CEP41: variants seen among roughly 807,000 people sequenced by gnomAD.
The protein encoded by CEP41 is centrosomal protein of 41 kDa.
CEP41 carries 32 observed loss-of-function variants against 44.3 expected under a neutral mutation model. That is an observed-to-expected ratio of 0.72 (90% CI 0.54 to 0.97). The LOEUF is 0.97. CEP41 is among the 50% of genes least tolerant of loss of function. The pLI, the probability that CEP41 is intolerant of heterozygous loss-of-function variation, is 0.00. For synonymous variants in CEP41, 151 were observed against 168.5 expected, an observed-to-expected ratio of 0.90 and a Z score of 0.80; for missense variants, 432 against 455.2, an observed-to-expected ratio of 0.95 and a Z score of 0.46.
chr7:130,409,222 A>G (rs1797101941), intron 5 of CEP41, among the ~76,000 whole-genome samples: 2 of 152,220 alleles, frequency 1.3e-5, no homozygotes, highest in Admixed American at 1.3e-4. Context: ...TGAGTGAGTT[A>G]TTATCTGTGT....
Position 130,412,202 on chromosome 7 carries a change from T to G in CEP41, c.184A>C (p.Lys62Gln), listed in dbSNP as rs1554419898. The G allele has an allele frequency of 6.4e-7, 1 of 1,555,234 alleles. No individual in the cohort carries two copies. ...ACCAGCTGGGCAAAAGTTGTAACTT[T>G]TAGTCTCTTGAAAAGCTCATCTTTT... ...YKKDELFKRL[K>Q]VTTFAQLIIQ... Residue 62 changes from lysine (K) to glutamine (Q), a missense_variant, in exon 4 of 11, where the codon AAA becomes CAA. Lys to Gln is a moderately conservative substitution (Grantham distance 53). Transcript: ENST00000223208.
At chr7:130,414,934 A>G (rs782288185) in intron 3 of CEP41, among the ~76,000 whole-genome samples, 9 of 152,200 alleles carry the variant, frequency 5.9e-5, no homozygotes, top group Non-Finnish European at 1.2e-4. Flanking sequence ...CTTCTCCAGT[A>G]AGTCTAGGTT....
intron 1 of CEP41, among the ~76,000 whole-genome samples, chr7:130,428,910 C>CAAAAAAAA (rs555010636): frequency 8.3e-4 from 122 of 146,532 alleles, no homozygotes; most frequent in African/African-American, 2.7e-3. Context: ...GACTCTGTCT[C>CAAAAAAAA]AAAAAAATAA....
chr7:130,423,154 C>T (rs1797560180), intron 2 of CEP41, among the ~76,000 whole-genome samples: 1 of 152,090 alleles, frequency 6.6e-6, no homozygotes, highest in African/African-American at 2.4e-5. Context: ...CACCGTATTG[C>T]CCAGGCTAGT....
chr7:130,424,753 A>T (rs1173812958), intron 2 of CEP41, among the ~76,000 whole-genome samples: 1 of 152,172 alleles, frequency 6.6e-6, no homozygotes, highest in African/African-American at 2.4e-5. Flanking sequence ...TAGAAAAAAA[A>T]TCATGGTAGA....
chr7:130,421,185 A>G, intron 2 of CEP41: 1 of 985,380 alleles, frequency 1.0e-6, no homozygotes, highest in Non-Finnish European at 1.2e-6. Context: ...CATTCATTAG[A>G]TTTTTTCCAT....
intron 4 of CEP41, among the ~76,000 whole-genome samples, chr7:130,411,727 C>G (rs1797186813): frequency 6.6e-6 from 1 of 152,120 alleles, no homozygotes; most frequent in Non-Finnish European, 1.5e-5. Context: ...GGAAAGACAC[C>G]TTCTCCATAA....
At chr7:130,440,782 G>GCCCCC in intron 1 of CEP41, 152 bp downstream of exon 1, 3 of 531,112 alleles carry the variant, frequency 5.6e-6, no homozygotes, top group East Asian at 4.0e-5. Flanking sequence ...CCCAAGCCCG[G>GCCCCC]CCCGCCCCGC....
chr7:130,440,783 C>T, intron 1 of CEP41, 151 bp downstream of exon 1: 1 of 402,696 alleles, frequency 2.5e-6, no homozygotes, highest in Admixed American at 2.9e-5. Context: ...CCAAGCCCGG[C>T]CCGCCCCGCC....
chr7:130,408,713 C>A (rs1031155226), intron 5 of CEP41, among the ~76,000 whole-genome samples: 1 of 151,996 alleles, frequency 6.6e-6, no homozygotes, highest in Non-Finnish European at 1.5e-5. Context: ...ACCCTTTGAC[C>A]CTCTGCAGCA....
At chr7:130,437,165 A>G (rs1010096029) in intron 1 of CEP41, among the ~76,000 whole-genome samples, 1 of 152,156 alleles carries the variant, frequency 6.6e-6, no homozygotes, top group South Asian at 2.1e-4. Context: ...ACAGGAGATG[A>G]AAGTTACGAA....
At position 130,394,121 on chromosome 7, in the gene CEP41, C is replaced by T. The variant is rs1032113771; in HGVS notation, c.*4770G>A. 10 of 454,066 alleles carry T rather than the reference C, an allele frequency of 2.2e-5. No homozygotes were observed. The highest frequency in any genetic ancestry group is 6.9e-4 in the Middle Eastern group (1 of 1,444). 28.1% of individuals were successfully genotyped at this position (454,066 alleles called of 1,614,324 possible). ...TAGCGAAGGGAAAGGTACATTTTCA[C>T]GGTAAGTTAGAGGCATCACCAAAGG... On this transcript the variant is annotated 3_prime_UTR_variant, in exon 11 of 11. Transcript: ENST00000223208.
At chr7:130,406,754 C>A (rs1797022275) in intron 5 of CEP41, among the ~76,000 whole-genome samples, 2 of 145,586 alleles carry the variant, frequency 1.4e-5, no homozygotes, top group African/African-American at 2.5e-5. Flanking sequence ...TCCTATACAC[C>A]AATTAAAAAA....
At chr7:130,428,290 G>C (rs1359485806) in intron 1 of CEP41, among the ~76,000 whole-genome samples, 7 of 151,920 alleles carry the variant, frequency 4.6e-5, no homozygotes, top group Non-Finnish European at 1.0e-4. Flanking sequence ...CAGGCATGGT[G>C]ATGGGCGCCT....
Position 130,396,692 on chromosome 7 carries a change from A to C in CEP41, c.*2199T>G. The C allele has an allele frequency of 2.2e-6, 1 of 454,596 alleles. No homozygotes were observed. Among genetic ancestry groups the C allele is most frequent in the South Asian group, 1.6e-5 (1 of 64,476 alleles). The allele number at this position is 454,596 out of a possible 1,614,324, so 28.2% of individuals were successfully genotyped here. On this transcript the variant is annotated 3_prime_UTR_variant, in exon 11 of 11. Transcript: ENST00000223208. Reference sequence around the variant, plus strand: ...TAAAGAATGTTTGATATTAACACTTAACATGCAAAACGCAGATTAGAACAG... The same window carrying C: ...TAAAGAATGTTTGATATTAACACTTCACATGCAAAACGCAGATTAGAACAG...
rs577355827 is a variant in CEP41, at chr7:130,395,316, T to A, written c.*3575A>T. ...CATGTAAGTACTCAACATGCTCACATAATTAAACTGGTGAATTATATTCCA... is the reference window on the plus strand; with the variant it reads ...CATGTAAGTACTCAACATGCTCACAAAATTAAACTGGTGAATTATATTCCA... On this transcript the variant is annotated 3_prime_UTR_variant, in exon 11 of 11. Transcript: ENST00000223208. The A allele has an allele frequency of 4.9e-4, 223 of 454,086 alleles. 2 individuals carry two copies. The highest frequency in any genetic ancestry group is 4.1e-3 in the African/African-American group (203 of 50,106). 28.1% of individuals were successfully genotyped at this position (454,086 alleles called of 1,614,324 possible). A position where few individuals can be genotyped will look rare whatever the true frequency, so the allele number is the denominator to read the frequency against.
At position 130,394,309 on chromosome 7, in the gene CEP41, C is replaced by T. The variant is rs782045222; in HGVS notation, c.*4582G>A. On this transcript the variant is annotated 3_prime_UTR_variant, in exon 11 of 11. Coordinates refer to ENST00000223208, the MANE Select transcript of CEP41 (RefSeq NM_018718.3). ...TTAATTTCTACCCGAACCTCAGTCT[C>T]CTCATCTGAAAATGGGGGTGCCTGC... The T allele has an allele frequency of 3.7e-5, 17 of 454,036 alleles. No individual in the cohort carries two copies. The highest frequency in any genetic ancestry group is 2.3e-4 in the South Asian group (15 of 64,472). 28.1% of individuals were successfully genotyped at this position (454,036 alleles called of 1,614,324 possible).
At chr7:130,429,382 A>G (rs1797760693) in intron 1 of CEP41, among the ~76,000 whole-genome samples, 1 of 152,172 alleles carries the variant, frequency 6.6e-6, no homozygotes, top group Non-Finnish European at 1.5e-5. Flanking sequence ...TTTGAATCCA[A>G]GCATAAGACA....
chr7:130,426,529 G>C (rs1330185378), intron 2 of CEP41: 1 of 376,992 alleles, frequency 2.7e-6, no homozygotes, highest in African/African-American at 2.2e-5. Context: ...TTATAAGAAA[G>C]TATACAGATT....
Sources: gnomAD v4.1 joint callset for allele counts (sites outside exome capture counted in the v4.1 genomes callset) on GRCh38, gnomAD v4.1.1 for gene constraint, MANE v1.5 for transcripts, NCBI Gene and HGNC (gene_info 2026-07-23, HGNC 2026-07-21) for gene names.